Variants in CPNE9 observed in about 807,000 individuals in gnomAD.
CPNE9 encodes copine family member 9, also known as copine-9.
In CPNE9, 59 loss-of-function variants were observed where a neutral mutation model predicts 83.0. The ratio of observed to expected loss-of-function variants is 0.71; its 90% CI spans 0.58 to 0.88. CPNE9 has a LOEUF of 0.88. CPNE9 is among the 40% of genes least tolerant of loss of function. The probability of loss-of-function intolerance (pLI) is 0.00; values close to 1 mark genes in which losing one functional copy is unlikely to be tolerated. For synonymous variants in CPNE9, 256 were observed against 273.4 expected (o/e 0.94, Z 0.63); for missense variants, 619 against 720.8 (o/e 0.86, Z 1.62).
In CPNE9 at chr3:9,727,205, A is replaced by C. The variant is rs567978225; in HGVS notation, c.1476+19A>C. 1.9e-6 allele frequency: 3 copies of C among 1,614,016 alleles called. No individual in the cohort carries two copies. The African/African-American group carries it at 4.0e-5, about 22-fold the overall frequency. ...CGTTCAGGTAGACCTGACGTGGGAG[A>C]GGCTGTGGAGCTGAGAGGCACAGTG... On this transcript the variant is annotated intron_variant, in intron 20 of 20. Coordinates refer to ENST00000383832, the MANE Select transcript of CPNE9 (RefSeq NM_153635.3).
intron 7 of CPNE9, among the ~76,000 whole-genome samples, chr3:9,711,379 T>C (rs1318665100): frequency 1.3e-5 from 2 of 151,258 alleles, no homozygotes; most frequent in African/African-American, 2.4e-5. Flanking sequence ...ATTTTTTCTT[T>C]TTTTTTTTTG....
rs759039219 is a variant in CPNE9, at chr3:9,712,572, T to C, written c.409T>C (p.Leu137=). 6 of 1,614,158 alleles carry C rather than the reference T, an allele frequency of 3.7e-6. No homozygotes were observed. Among genetic ancestry groups the C allele is most frequent in the Non-Finnish European group, 2.5e-6 (3 of 1,179,988 alleles). The change falls in exon 8 of 21, where the codon TTG becomes CTG. Residue 137 remains leucine, a synonymous_variant. Coordinates refer to ENST00000383832, the MANE Select transcript of CPNE9 (RefSeq NM_153635.3). ...GVPGKKCGTI[L]LTAEELSNCR... is the part of the protein sequence containing the mutation. ...ACCAGGCAAGAAGTGTGGGACCATA[T>C]TGCTGACTGCAGAAGAGCTTAGCAA...
At chr3:9,725,178 G>A (rs1298933180) in intron 17 of CPNE9, among the ~76,000 whole-genome samples, 2 of 152,128 alleles carry the variant, frequency 1.3e-5, no homozygotes, top group African/African-American at 4.8e-5. Context: ...AGAGGGCTGG[G>A]ATGGATTTAT....
intron 17 of CPNE9, among the ~76,000 whole-genome samples, chr3:9,720,348 C>G (rs1388035748): frequency 6.6e-6 from 1 of 151,902 alleles, no homozygotes; most frequent in Non-Finnish European, 1.5e-5. Context: ...TGTCCATAGA[C>G]TTTTTCCCCT....
chr3:9,704,097 C>A lies in CPNE9; in HGVS notation c.68+33C>A, dbSNP rs1314440686. 3 of 1,586,590 alleles carry A rather than the reference C, an allele frequency of 1.9e-6. No individual in the cohort carries two copies. Among genetic ancestry groups the A allele is most frequent in the Non-Finnish European group, 2.6e-6 (3 of 1,165,828 alleles). The stretch of plus-strand genomic sequence containing the variant: ...GGCCGCGCTGGGGAGGGCTTAGGCA[C>A]TGGCACTGCCCCAGCCCCAGCCAGC... On this transcript the variant is annotated intron_variant, in intron 1 of 20. Coordinates refer to ENST00000383832, the MANE Select transcript of CPNE9 (RefSeq NM_153635.3). The surrounding 1 kb of genome is among the most constrained non-coding windows in gnomAD (Gnocchi z 7.1).
intron 19 of CPNE9, 72 bp from the exon 20 acceptor site, chr3:9,727,041 G>A: frequency 6.6e-7 from 1 of 1,517,566 alleles, no homozygotes; most frequent in Non-Finnish European, 9.1e-7. Context: ...CCAAAGGGGA[G>A]CTCAAAGGGA....
intron 17 of CPNE9, among the ~76,000 whole-genome samples, chr3:9,721,874 T>C (rs2076736877): frequency 6.6e-6 from 1 of 152,048 alleles, no homozygotes; most frequent in South Asian, 2.1e-4. Context: ...TTAATGTCTC[T>C]AAGCTTCAGG....
intron 10 of CPNE9, 64 bp from the exon 11 acceptor site, chr3:9,714,850 T>C: frequency 7.4e-7 from 1 of 1,359,508 alleles, no homozygotes; most frequent in Non-Finnish European, 1.0e-6. Context: ...TGTGGTTAAG[T>C]GTATGAGGGT....
At chr3:9,709,156 A>G (rs765080665) in intron 7 of CPNE9, among the ~76,000 whole-genome samples, 39 of 149,550 alleles carry the variant, frequency 2.6e-4, no homozygotes, top group Non-Finnish European at 4.3e-4. Context: ...CACGCTTGTA[A>G]TCCCAGCTAC....
At chr3:9,713,533 TGATG>T (rs2076650167) in intron 10 of CPNE9, among the ~76,000 whole-genome samples, 1 of 152,014 alleles carries the variant, frequency 6.6e-6, no homozygotes, top group East Asian at 1.9e-4. Context: ...ATGAATGAGC[TGATG>T]GATGGGTGGG....
At chr3:9,706,835 G>A (rs1641953495) in intron 7 of CPNE9, among the ~76,000 whole-genome samples, 1 of 152,212 alleles carries the variant, frequency 6.6e-6, no homozygotes, top group African/African-American at 2.4e-5. Context: ...CCAGGCAGAG[G>A]AGACTGCCAG....
At chr3:9,718,385 T>C in intron 16 of CPNE9, 90 bp from the exon 17 acceptor site, 1 of 1,524,342 alleles carries the variant, frequency 6.6e-7, no homozygotes. Flanking sequence ...TGAAAGGGAC[T>C]GATGGAAAAA....
At chr3:9,716,546 C>G (rs1295107403) in intron 14 of CPNE9, among the ~76,000 whole-genome samples, 2 of 152,036 alleles carry the variant, frequency 1.3e-5, no homozygotes, top group Non-Finnish European at 2.9e-5. Flanking sequence ...TCTTGGCTCA[C>G]TGCAACCTCC....
rs1281454299 is a variant in CPNE9, at chr3:9,729,809, G to C, written c.*117G>C. 10 of 1,414,062 alleles carry C rather than the reference G, an allele frequency of 7.1e-6. No individual in the cohort carries two copies. In the East Asian group the frequency reaches 2.3e-4, roughly 32 times the overall value. 87.6% of individuals were successfully genotyped at this position (1,414,062 alleles called of 1,614,324 possible). Reference sequence around the variant, plus strand: ...CTGGGAGGGCCAACTTGGAGGATCAGTGCTGGCTGACAAGCCCTCCGCCTC... The same window carrying C: ...CTGGGAGGGCCAACTTGGAGGATCACTGCTGGCTGACAAGCCCTCCGCCTC... On this transcript the variant is annotated 3_prime_UTR_variant, in exon 21 of 21. Transcript: ENST00000383832.
At chr3:9,721,821 C>T (rs2076736505) in intron 17 of CPNE9, among the ~76,000 whole-genome samples, 1 of 152,198 alleles carries the variant, frequency 6.6e-6, no homozygotes, top group South Asian at 2.1e-4. Context: ...GCTGGTCAGG[C>T]ATGGGCTTGG....
Position 9,717,155 on chromosome 3 carries a change from G to T in CPNE9, c.931+51G>T, listed in dbSNP as rs1317719512. On this transcript the variant is annotated intron_variant, in intron 15 of 20. Coordinates refer to ENST00000383832, the MANE Select transcript of CPNE9 (RefSeq NM_153635.3). ...CGGAGGTGGGAAGGCACTTCTAAGGGAGTCATTAGGAGTTGGCCTGGATTC... is the reference window on the plus strand; with the variant it reads ...CGGAGGTGGGAAGGCACTTCTAAGGTAGTCATTAGGAGTTGGCCTGGATTC... 5.7e-6 allele frequency: 9 copies of T among 1,581,938 alleles called. 1 individual carries two copies. In the South Asian group the frequency reaches 8.9e-5, roughly 16 times the overall value.
chr3:9,704,517 G>A lies in CPNE9; in HGVS notation c.69-70G>A. The A allele has an allele frequency of 2.2e-6, 3 of 1,371,430 alleles. No individual in the cohort carries two copies. Among genetic ancestry groups the A allele is most frequent in the Non-Finnish European group, 3.1e-6 (3 of 958,490 alleles). The allele number at this position is 1,371,430 out of a possible 1,614,324, so 85.0% of individuals were successfully genotyped here. On this transcript the variant is annotated intron_variant, in intron 1 of 20. Transcript: ENST00000383832. The surrounding 1 kb of genome is among the most constrained non-coding windows in gnomAD (Gnocchi z 7.1). ...GGCCCCATGCCTCTCCTCAGTGCCC[G>A]GCTCAGAGCCGACTCGAGGCGGGCG...
At chr3:9,709,902 A>G (rs1374694241) in intron 7 of CPNE9, among the ~76,000 whole-genome samples, 2 of 151,524 alleles carry the variant, frequency 1.3e-5, no homozygotes, top group East Asian at 2.0e-4. Context: ...AGGCAGGAGA[A>G]TCACTTGAAC....
At chr3:9,713,747 C>T (rs994611703) in intron 10 of CPNE9, among the ~76,000 whole-genome samples, 13 of 151,976 alleles carry the variant, frequency 8.6e-5, no homozygotes, top group African/African-American at 2.9e-4. Context: ...GATAGGCCAA[C>T]CAAATGAATG....
Sources: gnomAD v4.1 joint callset for allele counts (sites outside exome capture counted in the v4.1 genomes callset) on GRCh38, gnomAD v4.1.1 for gene constraint, Gnocchi (gnomAD v3.1) non-coding constraint, MANE v1.5 for transcripts, NCBI Gene and HGNC (gene_info 2026-07-23, HGNC 2026-07-21) for gene names.